AP3S1: variants seen among roughly 807,000 people sequenced by gnomAD.
AP3S1 encodes adaptor related protein complex 3 subunit sigma 1, also known as AP-3 complex subunit sigma-1.
A neutral mutation model predicts 21.3 loss-of-function variants in AP3S1; 12 were observed. That is an observed-to-expected ratio of 0.56 (90% CI 0.36 to 0.91). The LOEUF (loss-of-function observed/expected upper bound fraction) is 0.91. AP3S1 is among the 40% of genes least tolerant of loss of function. The probability of loss-of-function intolerance (pLI) is 0.01; values close to 1 mark genes in which losing one functional copy is unlikely to be tolerated. For synonymous variants in AP3S1, 48 were observed against 78.4 expected (o/e 0.61, Z 2.05); for missense variants, 116 against 225.0 (o/e 0.52, Z 3.10).
chr5:115,900,487 C>T (rs528654355), intron 4 of AP3S1, among the ~76,000 whole-genome samples: 13 of 152,284 alleles, frequency 8.5e-5, no homozygotes, highest in Admixed American at 2.0e-4. Context: ...TCATTTTATT[C>T]ATTTCCTGTT....
chr5:115,872,536 C>T (rs1231307704), intron 3 of AP3S1, among the ~76,000 whole-genome samples: 1 of 151,930 alleles, frequency 6.6e-6, no homozygotes, highest in Non-Finnish European at 1.5e-5. Context: ...AGGTAGAATA[C>T]AAATTTTTCA....
chr5:115,901,324 A>T (rs1751189162), intron 4 of AP3S1, among the ~76,000 whole-genome samples: 1 of 151,070 alleles, frequency 6.6e-6, no homozygotes. Context: ...ACGGATGCAG[A>T]GTGTGGTAGA....
chr5:115,895,175 C>G lies in AP3S1; in HGVS notation c.345+17C>G, dbSNP rs1328704996. 2 of 1,530,482 alleles carry G rather than the reference C, an allele frequency of 1.3e-6. No individual in the cohort carries two copies. The highest frequency in any genetic ancestry group is 1.8e-4 in the Middle Eastern group (1 of 5,702). 94.8% of individuals were successfully genotyped at this position (1,530,482 alleles called of 1,614,324 possible). A position where few individuals can be genotyped will look rare whatever the true frequency, so the allele number is the denominator to read the frequency against. On this transcript the variant is annotated intron_variant, in intron 4 of 5. Transcript: ENST00000316788. Reference sequence around the variant, plus strand: ...GTAGACAAGGTACTATTTGTATTGTCACATCTAAGCTTTTTAAGAAAAACA... The same window carrying G: ...GTAGACAAGGTACTATTTGTATTGTGACATCTAAGCTTTTTAAGAAAAACA...
intron 1 of AP3S1, among the ~76,000 whole-genome samples, chr5:115,849,679 C>T (rs1020626397): frequency 3.3e-5 from 5 of 152,174 alleles, no homozygotes; most frequent in African/African-American, 1.2e-4. Context: ...CAGTGAGGCT[C>T]TCCTCTGATT....
chr5:115,886,941 A>G (rs1749837995), intron 3 of AP3S1, among the ~76,000 whole-genome samples: 2 of 152,170 alleles, frequency 1.3e-5, no homozygotes, highest in African/African-American at 4.8e-5. Context: ...TTTTGCTAAC[A>G]TTGTCATCAC....
intron 1 of AP3S1, among the ~76,000 whole-genome samples, chr5:115,859,788 T>C (rs373201133): frequency 8.5e-5 from 13 of 152,230 alleles, no homozygotes; most frequent in South Asian, 4.1e-4. Context: ...TACAGAGTTA[T>C]GTTCCAATCT....
intron 3 of AP3S1, among the ~76,000 whole-genome samples, chr5:115,879,511 C>T (rs779355684): frequency 2.6e-5 from 4 of 152,050 alleles, no homozygotes; most frequent in African/African-American, 9.7e-5. Context: ...TATTGATTTG[C>T]GTATGTTAAA....
At chr5:115,862,862 G>T (rs754264132) in intron 1 of AP3S1, among the ~76,000 whole-genome samples, 2 of 152,230 alleles carry the variant, frequency 1.3e-5, no homozygotes, top group Non-Finnish European at 2.9e-5. Context: ...GAAATATCAT[G>T]ACGCTACAAG....
chr5:115,869,476 C>T (rs573186234), intron 2 of AP3S1, among the ~76,000 whole-genome samples: 102 of 152,300 alleles, frequency 6.7e-4, no homozygotes, highest in Middle Eastern at 3.4e-3. Flanking sequence ...TTCTTATCTA[C>T]TGGCCTTTTT....
At chr5:115,857,905 C>T (rs368100599) in intron 1 of AP3S1, among the ~76,000 whole-genome samples, 1 of 152,160 alleles carries the variant, frequency 6.6e-6, no homozygotes, top group South Asian at 2.1e-4. Context: ...TTTCCTGACA[C>T]TTTTTCTTCA....
intron 1 of AP3S1, among the ~76,000 whole-genome samples, chr5:115,843,384 A>AT (rs1761796678): frequency 2.0e-5 from 3 of 152,048 alleles, no homozygotes; most frequent in African/African-American, 7.2e-5. Context: ...CTTATTCTTC[A>AT]TTTTTTTCAG....
intron 1 of AP3S1, among the ~76,000 whole-genome samples, chr5:115,854,942 G>A (rs1005298079): frequency 3.3e-5 from 5 of 151,636 alleles, no homozygotes; most frequent in African/African-American, 7.3e-5. Context: ...GTCAGAAATC[G>A]CCCTCTACCT....
At chr5:115,884,299 G>A (rs1749570873) in intron 3 of AP3S1, among the ~76,000 whole-genome samples, 1 of 152,142 alleles carries the variant, frequency 6.6e-6, no homozygotes. Flanking sequence ...TTCTAATAGT[G>A]TAGGCAAATT....
At chr5:115,847,070 G>A (rs930666381) in intron 1 of AP3S1, among the ~76,000 whole-genome samples, 1 of 152,020 alleles carries the variant, frequency 6.6e-6, no homozygotes, top group Non-Finnish European at 1.5e-5. Flanking sequence ...TTCTCCTTTG[G>A]TAATCAGTTC....
intron 4 of AP3S1, among the ~76,000 whole-genome samples, chr5:115,902,143 C>T (rs959985373): frequency 6.6e-6 from 1 of 152,114 alleles, no homozygotes; most frequent in Non-Finnish European, 1.5e-5. Flanking sequence ...TTTGGAGTCT[C>T]CATTTCTAAC....
At chr5:115,878,967 T>C (rs1749019714) in intron 3 of AP3S1, among the ~76,000 whole-genome samples, 1 of 152,174 alleles carries the variant, frequency 6.6e-6, no homozygotes, top group Admixed American at 6.5e-5. Flanking sequence ...CAATTGTGAA[T>C]GGGAGTTCAC....
intron 1 of AP3S1, among the ~76,000 whole-genome samples, chr5:115,842,771 G>C (rs1761721709): frequency 6.6e-6 from 1 of 152,180 alleles, no homozygotes; most frequent in African/African-American, 2.4e-5. Flanking sequence ...GATATGTGAG[G>C]ACCTAATATT....
In AP3S1 at chr5:115,866,777, C is replaced by T. The variant is rs371074220; in HGVS notation, c.161+16C>T. On this transcript the variant is annotated intron_variant, in intron 2 of 5. Transcript: ENST00000316788. ...AAGGAGGATTGTAAGTAAAGCATTTCATAGACATTTCTAAGTTTTGACTAT... is the reference window on the plus strand; with the variant it reads ...AAGGAGGATTGTAAGTAAAGCATTTTATAGACATTTCTAAGTTTTGACTAT... 5.0e-5 allele frequency: 76 copies of T among 1,527,348 alleles called. No individual in the cohort carries two copies. The African/African-American group carries it at 9.9e-4, about 20-fold the overall frequency. The allele number at this position is 1,527,348 out of a possible 1,614,324, so 94.6% of individuals were successfully genotyped here.
intron 3 of AP3S1, among the ~76,000 whole-genome samples, chr5:115,887,653 C>T (rs952765320): frequency 6.6e-6 from 1 of 151,950 alleles, no homozygotes; most frequent in South Asian, 2.1e-4. Context: ...TTCATTTAAT[C>T]ACTAAAACAA....
Sources: gnomAD v4.1 joint callset for allele counts (sites outside exome capture counted in the v4.1 genomes callset) on GRCh38, gnomAD v4.1.1 for gene constraint, MANE v1.5 for transcripts, NCBI Gene and HGNC (gene_info 2026-07-23, HGNC 2026-07-21) for gene names.